Variants in PAPPA2 observed in about 807,000 individuals in gnomAD.
The protein encoded by PAPPA2 is pappalysin-2.
Under a neutral mutation model 176.4 loss-of-function variants are expected in PAPPA2, and 86 were observed. That is an observed-to-expected ratio of 0.49 (90% CI 0.41 to 0.58). The LOEUF is 0.58. PAPPA2 is among the 20% of genes least tolerant of loss of function. PAPPA2 has a pLI of 0.00. For synonymous variants in PAPPA2, 809 were observed against 852.2 expected (o/e 0.95, Z 0.88); for missense variants, 2,073 against 2,256.9 (o/e 0.92, Z 1.65).
chr1:176,723,558 T>G (rs1273321086), intron 12 of PAPPA2, among the ~76,000 whole-genome samples: 3 of 152,114 alleles, frequency 2.0e-5, no homozygotes, highest in African/African-American at 7.2e-5. Context: ...TAATCTTGAT[T>G]TGATACACAA....
Position 176,769,676 on chromosome 1 carries a change from G to A in PAPPA2, c.4393G>A (p.Gly1465Ser), listed in dbSNP as rs368034311. ...QNVSCLPVDC[G>S]VPDPSLVNYA... ...TGTGAGCTGCCTTCCCGTGGACTGC[G>A]GTGTTCCCGACCCGTCTTTGGTGAA... Residue 1465 changes from glycine to serine, a missense_variant, in exon 16 of 23, where the codon GGT (glycine) becomes AGT (serine). Physicochemically the swap from Gly to Ser is moderately conservative, Grantham distance 56. Transcript: ENST00000367662. 65 of 1,613,746 alleles carry A rather than the reference G, an allele frequency of 4.0e-5. No homozygotes were observed. The highest frequency in any genetic ancestry group is 1.7e-4 in the African/African-American group (13 of 74,864).
chr1:176,783,408 G>A (rs75857873), intron 17 of PAPPA2, among the ~76,000 whole-genome samples: 9,537 of 152,216 alleles, frequency 0.063, 400 homozygotes, highest in South Asian at 0.15. Context: ...ATAGAAGGAT[G>A]GGGTGGACTA....
intron 1 of PAPPA2, among the ~76,000 whole-genome samples, chr1:176,511,635 G>A (rs1648602927): frequency 6.6e-6 from 1 of 152,186 alleles, no homozygotes; most frequent in South Asian, 2.1e-4. Context: ...ATTTGCATCA[G>A]TAGACGGGGT....
chr1:176,682,193 G>A (rs1209244327), intron 4 of PAPPA2, among the ~76,000 whole-genome samples: 3 of 152,186 alleles, frequency 2.0e-5, no homozygotes, highest in Admixed American at 6.6e-5. Context: ...CTTTGGTAAC[G>A]TCAACCAGAT....
chr1:176,665,330 C>T (rs902318151), intron 3 of PAPPA2, among the ~76,000 whole-genome samples: 1 of 152,114 alleles, frequency 6.6e-6, no homozygotes, highest in Non-Finnish European at 1.5e-5. Context: ...TACCATTGGA[C>T]ACTGGCAATG....
rs1571309782 is a variant in PAPPA2, at chr1:176,775,480, A to C, written c.4715+4300A>C. On this transcript the variant is annotated intron_variant, in intron 17 of 22. Transcript: ENST00000367662. ...TAGAAAGAAAGCTCATTCTTCAAAG[A>C]CAGTTTCAATTTTATTTATTCAACA... Among the ~76,000 whole-genome samples the C allele has an allele frequency of 2.0e-5, 3 of 152,184 alleles. No individual in the cohort carries two copies. In the East Asian group the frequency reaches 5.8e-4, roughly 29 times the overall value.
intron 3 of PAPPA2, among the ~76,000 whole-genome samples, chr1:176,629,892 C>A (rs1028534471): frequency 6.6e-6 from 1 of 152,130 alleles, no homozygotes. Flanking sequence ...GGAGAGAAGG[C>A]TTTCTGAAAA....
intron 3 of PAPPA2, among the ~76,000 whole-genome samples, chr1:176,648,313 A>G (rs1464838003): frequency 6.6e-6 from 1 of 151,458 alleles, no homozygotes; most frequent in African/African-American, 2.4e-5. Flanking sequence ...GAATTTGTTT[A>G]TCAGTTCTAA....
At chr1:176,620,231 C>G (rs911031582) in intron 3 of PAPPA2, among the ~76,000 whole-genome samples, 1 of 151,900 alleles carries the variant, frequency 6.6e-6, no homozygotes, top group Non-Finnish European at 1.5e-5. Context: ...AAAGTCCCCA[C>G]CTCCTAATGA....
chr1:176,500,289 A>C (rs1647882624), intron 1 of PAPPA2, among the ~76,000 whole-genome samples: 1 of 152,044 alleles, frequency 6.6e-6, no homozygotes, highest in African/African-American at 2.4e-5. Context: ...CAATAAGTTT[A>C]TAGGTCAAAC....
chr1:176,743,100 G>A (rs1023955398), intron 14 of PAPPA2, among the ~76,000 whole-genome samples: 2 of 152,040 alleles, frequency 1.3e-5, no homozygotes, highest in African/African-American at 2.4e-5. Flanking sequence ...CACAGAATAC[G>A]AAAACTCTTA....
At chr1:176,759,797 T>C (rs201758528) in intron 14 of PAPPA2, among the ~76,000 whole-genome samples, 3 of 152,214 alleles carry the variant, frequency 2.0e-5, no homozygotes, top group Non-Finnish European at 4.4e-5. Flanking sequence ...CCACTCTATC[T>C]GCAAATAATG....
rs770728839 is a variant in PAPPA2 at position 176,566,234 on chromosome 1, A to G, written c.919+8993A>G. ...TTTGGTGTCTGACTCACAGGGTTAG[A>G]TCTGGGCCTTTGGGGTCATCCAGTC... is the stretch of plus-strand genomic sequence containing the variant. On this transcript the variant is annotated intron_variant, in intron 2 of 22. Transcript: ENST00000367662. Among the ~76,000 whole-genome samples the G allele has an allele frequency of 1.2e-4, 18 of 152,192 alleles. No individual in the cohort carries two copies. In the South Asian group the frequency reaches 3.3e-3, roughly 28 times the overall value.
Position 176,648,493 on chromosome 1 carries a change from G to T in PAPPA2, c.1992-22477G>T, listed in dbSNP as rs144254278. Reference sequence around the variant, plus strand: ...ATGTTGAATAACAGTGTTGAGAATGGGTATCCTTTTCTTCTTCTAGATCTT... The same window carrying T: ...ATGTTGAATAACAGTGTTGAGAATGTGTATCCTTTTCTTCTTCTAGATCTT... On this transcript the variant is annotated intron_variant, in intron 3 of 22. Coordinates refer to ENST00000367662, the MANE Select transcript of PAPPA2 (RefSeq NM_020318.3). 1.1e-4 allele frequency among the ~76,000 whole-genome samples: 16 copies of T among 151,520 alleles called. No homozygotes were observed. In the East Asian group the frequency reaches 3.1e-3, roughly 29 times the overall value.
intron 12 of PAPPA2, among the ~76,000 whole-genome samples, chr1:176,716,512 C>T (rs1398555699): frequency 2.0e-5 from 3 of 151,692 alleles, no homozygotes; most frequent in Non-Finnish European, 4.4e-5. Context: ...TCCCAAAGTG[C>T]TGGGATAACA....
chr1:176,606,115 G>C (rs1029645530), intron 3 of PAPPA2, among the ~76,000 whole-genome samples: 1 of 151,442 alleles, frequency 6.6e-6, no homozygotes, highest in Non-Finnish European at 1.5e-5. Flanking sequence ...ATGAAACAAA[G>C]CATTTTGCAT....
intron 3 of PAPPA2, among the ~76,000 whole-genome samples, chr1:176,666,618 A>G (rs1337990910): frequency 1.3e-5 from 2 of 150,134 alleles, no homozygotes; most frequent in East Asian, 3.9e-4. Flanking sequence ...TGAGAGAGAG[A>G]GAGAGAGAGA....
intron 3 of PAPPA2, among the ~76,000 whole-genome samples, chr1:176,609,426 T>C (rs1654785335): frequency 6.6e-6 from 1 of 151,850 alleles, no homozygotes; most frequent in African/African-American, 2.4e-5. Flanking sequence ...GGCCAGACAG[T>C]GGTAAGTGCT....
intron 2 of PAPPA2, among the ~76,000 whole-genome samples, chr1:176,593,486 C>T (rs1653777809): frequency 6.6e-6 from 1 of 152,188 alleles, no homozygotes; most frequent in Non-Finnish European, 1.5e-5. Flanking sequence ...TTAGTAAAAG[C>T]TATTCCTGAG....
Sources: gnomAD v4.1 joint callset for allele counts (sites outside exome capture counted in the v4.1 genomes callset) on GRCh38, gnomAD v4.1.1 for gene constraint, MANE v1.5 for transcripts, NCBI Gene and HGNC (gene_info 2026-07-23, HGNC 2026-07-21) for gene names.